Variants in AGAP1 observed in about 807,000 individuals in gnomAD.
AGAP1 encodes arf-GAP with GTPase, ANK repeat and PH domain-containing protein 1.
A neutral mutation model predicts 105.3 loss-of-function variants in AGAP1; 29 were observed. That is an observed-to-expected ratio of 0.28 (90% CI 0.21 to 0.38). The LOEUF is 0.38. AGAP1 is among the 10% of genes least tolerant of loss of function. The pLI is 1.00. For synonymous variants in AGAP1, 509 were observed against 485.9 expected (o/e 1.05, Z -0.63); for missense variants, 998 against 1,165.1 (o/e 0.86, Z 2.09).
At chr2:236,041,088 G>C (rs539694085) in intron 15 of AGAP1, among the ~76,000 whole-genome samples, 262 of 152,312 alleles carry the variant, frequency 1.7e-3, no homozygotes, top group Admixed American at 5.2e-3. Context: ...ATGAGCAGCA[G>C]TCATACCTGA....
intron 2 of AGAP1, among the ~76,000 whole-genome samples, chr2:235,710,493 T>C (rs920582264): frequency 2.6e-5 from 4 of 152,088 alleles, no homozygotes; most frequent in Non-Finnish European, 5.9e-5. Context: ...CTTCCCGGTG[T>C]CTGCCCCCCG....
intron 16 of AGAP1, among the ~76,000 whole-genome samples, chr2:236,118,832 T>C (rs2059833767): frequency 6.6e-6 from 1 of 152,108 alleles, no homozygotes; most frequent in Non-Finnish European, 1.5e-5. Flanking sequence ...CCCACCACCC[T>C]ACCTTTTTTT....
chr2:235,523,176 A>G (rs1033529062), intron 1 of AGAP1, among the ~76,000 whole-genome samples: 28 of 152,218 alleles, frequency 1.8e-4, no homozygotes, highest in Middle Eastern at 3.4e-3. Context: ...CTGTAAGGAC[A>G]CTGATCCCAT....
chr2:235,855,263 A>T lies in AGAP1; in HGVS notation c.1051-28082A>T, dbSNP rs559298366. Among the ~76,000 whole-genome samples the T allele has an allele frequency of 1.6e-4, 25 of 152,348 alleles. No homozygotes were observed. The highest frequency in any genetic ancestry group is 6.0e-4 in the African/African-American group (25 of 41,576). ...CGTGAGGTCATCCCTGTGATCAGTAACAAAAGTCTACCTGGAAAATGGTTA... is the reference window on the plus strand; with the variant it reads ...CGTGAGGTCATCCCTGTGATCAGTATCAAAAGTCTACCTGGAAAATGGTTA... On this transcript the variant is annotated intron_variant, in intron 9 of 17. Coordinates refer to ENST00000304032, the MANE Select transcript of AGAP1 (RefSeq NM_001037131.3). The surrounding 1 kb of genome is among the most constrained non-coding windows in gnomAD (Gnocchi z 5.0).
Position 235,874,560 on chromosome 2 carries a change from G to A in AGAP1, c.1051-8785G>A, listed in dbSNP as rs1369699490. On this transcript the variant is annotated intron_variant, in intron 9 of 17. Transcript: ENST00000304032. The surrounding 1 kb of genome is among the most constrained non-coding windows in gnomAD (Gnocchi z 4.5). ...CACTTTGCAGGGAGCTAAGAGGCTC[G>A]GCTGCTAACAGCAGACGGGTTTGGG... Among the ~76,000 whole-genome samples, 3 of 152,296 alleles carry A rather than the reference G, an allele frequency of 2.0e-5. No homozygotes were observed. The highest frequency in any genetic ancestry group is 3.9e-4 in the East Asian group (2 of 5,170).
chr2:235,528,362 C>T (rs1431641475), intron 1 of AGAP1, among the ~76,000 whole-genome samples: 1 of 148,836 alleles, frequency 6.7e-6, no homozygotes, highest in Non-Finnish European at 1.5e-5. Flanking sequence ...TCCCCCTCCC[C>T]CGCCCCCTCC....
intron 1 of AGAP1, among the ~76,000 whole-genome samples, chr2:235,696,824 A>C (rs1950022120): frequency 1.3e-5 from 2 of 152,082 alleles, no homozygotes; most frequent in Non-Finnish European, 2.9e-5. Flanking sequence ...TCTCTACTAA[A>C]AATACAGAAA....
rs1161879029 is a variant in AGAP1 at position 235,608,708 on chromosome 2, C to CA, written c.164-100465dup. On this transcript the variant is annotated intron_variant, in intron 1 of 17. Transcript: ENST00000304032. The surrounding 1 kb of genome is among the most constrained non-coding windows in gnomAD (Gnocchi z 5.4). ...GCCCTGCTGCTACTTGGCCTCCAAC[C>CA]AAAAAATTGTTCTTCTCCTTCCTTT... 1.3e-5 allele frequency among the ~76,000 whole-genome samples: 2 copies of CA among 152,076 alleles called. No homozygotes were observed. The highest frequency in any genetic ancestry group is 2.9e-5 in the Non-Finnish European group (2 of 68,006).
At chr2:235,749,622 TG>T (rs1031666581) in intron 5 of AGAP1, among the ~76,000 whole-genome samples, 1 of 151,256 alleles carries the variant, frequency 6.6e-6, no homozygotes, top group African/African-American at 2.4e-5. Context: ...TGCTGCCCTC[TG>T]CCTCAGGCGT....
rs893223496 is a variant in AGAP1 at position 235,947,961 on chromosome 2, G to A, written c.1483+17038G>A. On this transcript the variant is annotated intron_variant, in intron 12 of 17. Coordinates refer to ENST00000304032, the MANE Select transcript of AGAP1 (RefSeq NM_001037131.3). ...AGTGTGCAGGTGATGAGGATCCAGC[G>A]TGCAATGTACGGATCAAAGCCTGAG... Among the ~76,000 whole-genome samples, 3 of 152,210 alleles carry A rather than the reference G, an allele frequency of 2.0e-5. No homozygotes were observed. The South Asian group carries it at 6.2e-4, about 32-fold the overall frequency.
rs569883096 is a variant in AGAP1, at chr2:235,592,496, C to T, written c.163+97647C>T. ...GGAGGGCAGGGCTCCAGGAGAGGCT[C>T]ATTTAGGGCTGACTCCGGGCTTGCG... On this transcript the variant is annotated intron_variant, in intron 1 of 17. Coordinates refer to ENST00000304032, the MANE Select transcript of AGAP1 (RefSeq NM_001037131.3). Among the ~76,000 whole-genome samples the T allele has an allele frequency of 3.3e-5, 5 of 152,266 alleles. No individual in the cohort carries two copies. In the South Asian group the frequency reaches 1.0e-3, roughly 32 times the overall value.
chr2:236,099,622 C>T (rs1481776719), intron 16 of AGAP1, among the ~76,000 whole-genome samples: 1 of 152,078 alleles, frequency 6.6e-6, no homozygotes, highest in African/African-American at 2.4e-5. Flanking sequence ...TTCTGAGAAC[C>T]TCACTATATG....
chr2:235,743,154 G>A (rs1301625125), intron 4 of AGAP1, among the ~76,000 whole-genome samples: 3 of 152,352 alleles, frequency 2.0e-5, no homozygotes, highest in East Asian at 1.9e-4. Context: ...GCGATGGAGC[G>A]AGACTTTGTC....
chr2:235,515,056 A>C (rs1451395530), intron 1 of AGAP1, among the ~76,000 whole-genome samples: 1 of 152,162 alleles, frequency 6.6e-6, no homozygotes, highest in Non-Finnish European at 1.5e-5. Flanking sequence ...AAAAGTCCTT[A>C]AATTTAGGTA....
chr2:235,813,353 A>G (rs1004780693), intron 9 of AGAP1, among the ~76,000 whole-genome samples: 7 of 152,270 alleles, frequency 4.6e-5, no homozygotes, highest in African/African-American at 1.7e-4. Context: ...GGTGACAGGA[A>G]GTAGTGTAGC....
chr2:235,728,320 T>TGTGTGTGTGTGTGTGTGTGTGCGC lies in AGAP1; in HGVS notation c.310+10683_310+10684insTGTGTGTGTGTGTGCGCGTGTGTG, dbSNP rs1328525428. ...CAGACTCTGTGTGTGTGTGTGTGTG[T>TGTGTGTGTGTGTGTGTGTGTGCGC]GTGTGTGCGTGCTCTTAAATCAATG... On this transcript the variant is annotated intron_variant, in intron 3 of 17. Transcript: ENST00000304032. The surrounding 1 kb of genome is among the most constrained non-coding windows in gnomAD (Gnocchi z 4.3). Among the ~76,000 whole-genome samples the TGTGTGTGTGTGTGTGTGTGTGCGC allele has an allele frequency of 6.6e-6, 1 of 151,718 alleles. No homozygotes were observed. The highest frequency in any genetic ancestry group is 2.4e-5 in the African/African-American group (1 of 41,148).
chr2:235,669,318 G>A (rs1000160578), intron 1 of AGAP1, among the ~76,000 whole-genome samples: 4 of 152,310 alleles, frequency 2.6e-5, no homozygotes, highest in African/African-American at 9.6e-5. Flanking sequence ...TGCATGGTTA[G>A]GAAAGATGCC....
chr2:235,691,440 A>C lies in AGAP1; in HGVS notation c.164-17739A>C, dbSNP rs79253250. Among the ~76,000 whole-genome samples the C allele has an allele frequency of 0.031, 4,672 of 152,340 alleles. 245 individuals are homozygous for C. The highest frequency in any genetic ancestry group is 0.11 in the African/African-American group (4,408 of 41,564). On this transcript the variant is annotated intron_variant, in intron 1 of 17. Transcript: ENST00000304032. This position sits in a 1 kb window ranked among gnomAD's most constrained non-coding sequence, Gnocchi z 4.4. ...GCAAAAGTAGATTTAACACATCTTT[A>C]AAATCCGCTGAAGACTGTAAAGATA...
chr2:235,672,337 G>T (rs1043010717), intron 1 of AGAP1, among the ~76,000 whole-genome samples: 6 of 152,226 alleles, frequency 3.9e-5, no homozygotes, highest in African/African-American at 1.4e-4. Context: ...CTCAGAATGT[G>T]CTAGAGGATG....
Sources: allele counts gnomAD v4.1 joint callset (sites outside exome capture counted in the v4.1 genomes callset), GRCh38; gene constraint gnomAD v4.1.1; non-coding constraint Gnocchi (gnomAD v3.1); transcripts MANE v1.5; gene names NCBI Gene and HGNC (gene_info 2026-07-23, HGNC 2026-07-21).